KAZN: variants seen among roughly 807,000 people sequenced by gnomAD.
KAZN encodes the protein kazrin.
KAZN carries 40 observed loss-of-function variants against 87.4 expected under a neutral mutation model. That is an observed-to-expected ratio of 0.46 (90% CI 0.36 to 0.60). The LOEUF is 0.60. Ranked by LOEUF, KAZN falls within the 20% of genes least tolerant of loss-of-function variation. The probability of loss-of-function intolerance (pLI) is 0.00; values close to 1 mark genes in which losing one functional copy is unlikely to be tolerated. For missense variants in KAZN, 898 were observed against 1,073.9 expected, an observed-to-expected ratio of 0.84 and a Z score of 2.29; for synonymous variants, 466 against 458.3, an observed-to-expected ratio of 1.02 and a Z score of -0.22.
At chr1:14,157,801 T>TG (rs546933288) in intron 1 of KAZN, among the ~76,000 whole-genome samples, 4 of 152,036 alleles carry the variant, frequency 2.6e-5, no homozygotes, top group Admixed American at 1.3e-4. Context: ...TTCTGCATGC[T>TG]GGGGGGGCCT....
intron 1 of KAZN, among the ~76,000 whole-genome samples, chr1:14,089,860 C>A (rs1643935627): frequency 6.6e-6 from 1 of 152,070 alleles, no homozygotes; most frequent in African/African-American, 2.4e-5. Context: ...CTGAAAAAGA[C>A]CCTTTCTCAC....
intron 2 of KAZN, among the ~76,000 whole-genome samples, chr1:14,234,540 AC>A (rs1328237889): frequency 3.3e-5 from 5 of 152,156 alleles, no homozygotes; most frequent in African/African-American, 1.2e-4. Context: ...GTACCCCAGA[AC>A]TTAAAGTATA....
intron 2 of KAZN, among the ~76,000 whole-genome samples, chr1:14,519,882 C>A (rs534609115): frequency 6.6e-6 from 1 of 151,966 alleles, no homozygotes; most frequent in Non-Finnish European, 1.5e-5. Context: ...GTTCCCTGTG[C>A]CAAGCATGAA....
At chr1:14,910,061 T>TAAATAATGAATGAATGAATGAATG (rs71000348) in intron 1 of KAZN, among the ~76,000 whole-genome samples, 17 of 147,362 alleles carry the variant, frequency 1.2e-4, no homozygotes, top group East Asian at 4.1e-4. Context: ...AATAAATAAA[T>TAAATAATGAATGAATGAATGAATG]AATGAATGAA....
intron 2 of KAZN, among the ~76,000 whole-genome samples, chr1:14,240,271 C>T (rs1648820123): frequency 6.6e-6 from 1 of 152,218 alleles, no homozygotes; most frequent in Non-Finnish European, 1.5e-5. Flanking sequence ...ACAGAGGGAA[C>T]ATGTGGTGAG....
chr1:14,706,183 C>T (rs1033284316), intron 1 of KAZN, among the ~76,000 whole-genome samples: 16 of 152,122 alleles, frequency 1.1e-4, no homozygotes, highest in African/African-American at 3.9e-4. Flanking sequence ...TCAGATGGGA[C>T]CATCTAGTTG....
intron 2 of KAZN, among the ~76,000 whole-genome samples, chr1:14,448,444 C>T (rs571780763): frequency 7.2e-5 from 11 of 152,356 alleles, no homozygotes; most frequent in Non-Finnish European, 1.5e-5. Flanking sequence ...GGAAGGTGTC[C>T]TCCATCACCA....
intron 1 of KAZN, among the ~76,000 whole-genome samples, chr1:14,659,186 C>T (rs1638997278): frequency 6.6e-6 from 1 of 152,058 alleles, no homozygotes. Flanking sequence ...CAAGATCCTG[C>T]CACTGCACTC....
intron 1 of KAZN, among the ~76,000 whole-genome samples, chr1:14,879,060 G>T (rs896956403): frequency 1.3e-5 from 2 of 152,104 alleles, no homozygotes; most frequent in African/African-American, 4.8e-5. Flanking sequence ...ATCCCTGCTC[G>T]TATCTGCCAA....
intron 8 of KAZN, among the ~76,000 whole-genome samples, chr1:15,079,538 C>T (rs1171360445): frequency 6.6e-6 from 1 of 152,078 alleles, no homozygotes; most frequent in Non-Finnish European, 1.5e-5. Context: ...TTTCCTGAAA[C>T]CCACAGCCAT....
At chr1:15,106,156 C>T (rs936563783) in intron 13 of KAZN, among the ~76,000 whole-genome samples, 2 of 152,062 alleles carry the variant, frequency 1.3e-5, no homozygotes, top group African/African-American at 4.8e-5. Flanking sequence ...TGGAGTGCAC[C>T]ATATAATCCC....
chr1:15,102,747 A>G (rs780838246), intron 11 of KAZN, among the ~76,000 whole-genome samples: 1 of 152,150 alleles, frequency 6.6e-6, no homozygotes, highest in Non-Finnish European at 1.5e-5. Flanking sequence ...ATGGTGAGAG[A>G]GGACCTGGAA....
intron 2 of KAZN, among the ~76,000 whole-genome samples, chr1:14,546,333 A>G (rs1043464138): frequency 5.3e-5 from 8 of 152,182 alleles, no homozygotes; most frequent in Admixed American, 5.2e-4. Context: ...ATGGAAACAA[A>G]TTTCTCTCTT....
At chr1:14,736,254 GGTGTGTGTGTGTGTGTGT>G (rs528070001) in intron 1 of KAZN, among the ~76,000 whole-genome samples, 9 of 115,312 alleles carry the variant, frequency 7.8e-5, no homozygotes, top group East Asian at 5.8e-4. Context: ...GGGACTCAAG[GGTGTGTGTGTGTGTGTGT>G]GTGTGTGTGT....
At chr1:13,959,815 G>T (rs1641684361) in intron 1 of KAZN, among the ~76,000 whole-genome samples, 1 of 152,066 alleles carries the variant, frequency 6.6e-6, no homozygotes, top group South Asian at 2.1e-4. Context: ...TTGTGCACAG[G>T]GCCTGGGTCT....
chr1:14,343,095 G>A (rs1244810937), intron 2 of KAZN, among the ~76,000 whole-genome samples: 1 of 152,156 alleles, frequency 6.6e-6, no homozygotes, highest in Admixed American at 6.5e-5. Flanking sequence ...GCAGTGAGCC[G>A]AGATTGCGCC....
intron 2 of KAZN, among the ~76,000 whole-genome samples, chr1:14,285,748 C>A (rs1653195702): frequency 6.6e-6 from 1 of 151,992 alleles, no homozygotes; most frequent in African/African-American, 2.4e-5. Context: ...AGCCAAGGTG[C>A]CTTCATATTC....
intron 1 of KAZN, among the ~76,000 whole-genome samples, chr1:14,829,390 G>A (rs1251596326): frequency 6.6e-6 from 1 of 152,230 alleles, no homozygotes; most frequent in Non-Finnish European, 1.5e-5. Context: ...TCTCGGGAAA[G>A]TGACAGCTAA....
At chr1:15,113,276 G>C (rs1260859997) in intron 14 of KAZN, 1 of 152,116 alleles carries the variant, frequency 6.6e-6, no homozygotes, top group Non-Finnish European at 1.5e-5. Context: ...TTTGGCGCTG[G>C]TGGGGGGTGG....
Sources: gnomAD v4.1 joint callset for allele counts (sites outside exome capture counted in the v4.1 genomes callset) on GRCh38, gnomAD v4.1.1 for gene constraint, MANE v1.5 for transcripts, NCBI Gene and HGNC (gene_info 2026-07-23, HGNC 2026-07-21) for gene names.